The following DTNBP1 variants were observed in gnomAD, a reference collection of about 807,000 sequenced individuals.
The protein encoded by DTNBP1 is dystrobrevin binding protein 1.
A neutral mutation model predicts 42.8 loss-of-function variants in DTNBP1; 35 were observed. The observed-to-expected ratio is 0.82, with a 90% CI of 0.63 to 1.09. The LOEUF is 1.09. Ranked by LOEUF, DTNBP1 falls within the 50% of genes least tolerant of loss-of-function variation. DTNBP1 has a pLI of 0.00. For missense variants in DTNBP1, 457 were observed against 424.2 expected, an observed-to-expected ratio of 1.08 and a Z score of -0.68; for synonymous variants, 171 against 162.2, an observed-to-expected ratio of 1.05 and a Z score of -0.41.
At chr6:15,599,802 T>C (rs1421314720) in intron 6 of DTNBP1, among the ~76,000 whole-genome samples, 2 of 152,226 alleles carry the variant, frequency 1.3e-5, no homozygotes, top group Non-Finnish European at 2.9e-5. Context: ...AAAATCTTTA[T>C]TACAAATTTA....
chr6:15,529,736 C>T (rs1772680284), intron 8 of DTNBP1, among the ~76,000 whole-genome samples: 1 of 152,256 alleles, frequency 6.6e-6, no homozygotes, highest in Non-Finnish European at 1.5e-5. Flanking sequence ...TAAGTAACTG[C>T]AGGATATCCT....
chr6:15,554,444 G>C (rs910453902), intron 7 of DTNBP1, among the ~76,000 whole-genome samples: 1 of 152,090 alleles, frequency 6.6e-6, no homozygotes, highest in Non-Finnish European at 1.5e-5. Flanking sequence ...TAGGATGGGT[G>C]AGGGAAAGAT....
intron 4 of DTNBP1, among the ~76,000 whole-genome samples, chr6:15,636,157 C>CTTTTTTTTTTTTTTTTTTTTT (rs70996562): frequency 7.9e-6 from 1 of 127,028 alleles, no homozygotes. Context: ...TTACCTGCAC[C>CTTTTTTTTTTTTTTTTTTTTT]TTTTTTTTTT....
intron 7 of DTNBP1, among the ~76,000 whole-genome samples, chr6:15,576,641 T>A (rs1244256105): frequency 6.6e-6 from 1 of 151,598 alleles, no homozygotes; most frequent in Non-Finnish European, 1.5e-5. Context: ...TGGAGGTGTG[T>A]GCCTGTAATT....
intron 7 of DTNBP1, among the ~76,000 whole-genome samples, chr6:15,566,701 C>CTTTTT (rs368168358): frequency 1.5e-5 from 2 of 132,978 alleles, no homozygotes; most frequent in African/African-American, 2.9e-5. Context: ...AATGAATCTC[C>CTTTTT]TTTTTTTTTT....
intron 9 of DTNBP1, 107 bp downstream of exon 9, chr6:15,524,419 G>T: frequency 6.2e-7 from 1 of 1,614,114 alleles, no homozygotes; most frequent in South Asian, 1.1e-5. Flanking sequence ...CTGTGAGCTT[G>T]GGGGTTTATG....
chr6:15,607,621 GA>G (rs1429466356), intron 6 of DTNBP1, among the ~76,000 whole-genome samples: 2 of 151,972 alleles, frequency 1.3e-5, no homozygotes, highest in Non-Finnish European at 2.9e-5. Context: ...TTTACCACAG[GA>G]ATTCTCAGAA....
rs1229399392 is a variant in DTNBP1, at chr6:15,646,700, C to T, written c.161+4613G>A. Among the ~76,000 whole-genome samples the T allele has an allele frequency of 2.0e-5, 3 of 151,722 alleles. No homozygotes were observed. In the East Asian group the frequency reaches 5.8e-4, roughly 29 times the overall value. On this transcript the variant is annotated intron_variant, in intron 3 of 9. Transcript: ENST00000344537. ...AGATCAATGGAACAGGATAGAGAATCCAGAAATAAAGTCACACAGCTACAA... is the reference window on the plus strand; with the variant it reads ...AGATCAATGGAACAGGATAGAGAATTCAGAAATAAAGTCACACAGCTACAA...
In DTNBP1 at chr6:15,637,793, G is replaced by A; in HGVS notation, c.173C>T (p.Thr58Ile). ...GGCTCTTCTGTGAAGTGCAGCCCATGTATCCTCATACCTAAAAAAAAGCAA... is the reference window on the plus strand; with the variant it reads ...GGCTCTTCTGTGAAGTGCAGCCCATATATCCTCATACCTAAAAAAAAGCAA... ...GLELLSRYEDTWAALHRRAKD... is the reference protein window; with the variant it reads ...GLELLSRYEDIWAALHRRAKD... The change falls in exon 4 of 10, where the codon ACA becomes ATA. Residue 58 changes from threonine to isoleucine, a missense_variant. Coordinates refer to ENST00000344537, the MANE Select transcript of DTNBP1 (RefSeq NM_032122.5). 6.2e-7 allele frequency: 1 copy of A among 1,613,342 alleles called. No homozygotes were observed. The highest frequency in any genetic ancestry group is 8.5e-7 in the Non-Finnish European group (1 of 1,180,000).
At chr6:15,584,191 G>A (rs1775958616) in intron 7 of DTNBP1, among the ~76,000 whole-genome samples, 1 of 152,054 alleles carries the variant, frequency 6.6e-6, no homozygotes, top group African/African-American at 2.4e-5. Flanking sequence ...AAGATGAGCA[G>A]ACACCTCAAA....
At chr6:15,580,177 A>G (rs536738671) in intron 7 of DTNBP1, among the ~76,000 whole-genome samples, 2 of 152,236 alleles carry the variant, frequency 1.3e-5, no homozygotes, top group Non-Finnish European at 2.9e-5. Flanking sequence ...AAGCAAAAAC[A>G]GTTCATAACA....
chr6:15,629,876 A>G (rs1269385196), intron 4 of DTNBP1, among the ~76,000 whole-genome samples: 5 of 152,336 alleles, frequency 3.3e-5, no homozygotes, highest in African/African-American at 1.2e-4. Context: ...ATAGGGGTAT[A>G]TAAAGGGAAG....
At chr6:15,561,675 G>T (rs1207345588) in intron 7 of DTNBP1, among the ~76,000 whole-genome samples, 1 of 152,200 alleles carries the variant, frequency 6.6e-6, no homozygotes, top group African/African-American at 2.4e-5. Flanking sequence ...TTGAACCACA[G>T]CAACTCCATC....
At chr6:15,627,281 C>G in intron 5 of DTNBP1, 62 bp downstream of exon 5, 2 of 1,599,754 alleles carry the variant, frequency 1.3e-6, no homozygotes, top group Non-Finnish European at 1.7e-6. Context: ...GAAATTACAC[C>G]AAACCCTGCC....
At chr6:15,530,402 C>T (rs1348215751) in intron 8 of DTNBP1, among the ~76,000 whole-genome samples, 1 of 152,190 alleles carries the variant, frequency 6.6e-6, no homozygotes. Context: ...GCGACATGTG[C>T]CTGATTTTTA....
At chr6:15,530,549 G>T (rs373449545) in intron 8 of DTNBP1, among the ~76,000 whole-genome samples, 2 of 152,132 alleles carry the variant, frequency 1.3e-5, no homozygotes, top group South Asian at 2.1e-4. Flanking sequence ...CTGCCAGCCC[G>T]CTGACTTGCT....
chr6:15,602,285 G>C (rs985526455), intron 6 of DTNBP1, among the ~76,000 whole-genome samples: 2 of 152,180 alleles, frequency 1.3e-5, no homozygotes, highest in Non-Finnish European at 2.9e-5. Context: ...AGAGAGGGTA[G>C]AGAAGGGCTG....
chr6:15,543,808 C>A (rs1374838984), intron 7 of DTNBP1, among the ~76,000 whole-genome samples: 1 of 152,190 alleles, frequency 6.6e-6, no homozygotes, highest in African/African-American at 2.4e-5. Context: ...ACTCACCCTG[C>A]CACTCCGGCT....
At chr6:15,650,323 A>C (rs1760916577) in intron 3 of DTNBP1, among the ~76,000 whole-genome samples, 1 of 152,104 alleles carries the variant, frequency 6.6e-6, no homozygotes, top group Non-Finnish European at 1.5e-5. Flanking sequence ...CCCAGGCTGG[A>C]GTGCACTGGC....
Sources: allele counts gnomAD v4.1 joint callset (sites outside exome capture counted in the v4.1 genomes callset), GRCh38; gene constraint gnomAD v4.1.1; transcripts MANE v1.5; gene names NCBI Gene and HGNC (gene_info 2026-07-23, HGNC 2026-07-21).